The following NCAM2 variants were observed in gnomAD, a reference collection of about 807,000 sequenced individuals.
The protein encoded by NCAM2 is neural cell adhesion molecule 2, also known as N-CAM-2.
In NCAM2, 30 loss-of-function variants were observed where a neutral mutation model predicts 98.1. That is an observed-to-expected ratio of 0.31 (90% CI 0.23 to 0.41). The LOEUF is 0.41. Ranked by LOEUF, NCAM2 falls within the 10% of genes least tolerant of loss-of-function variation. The pLI is 1.00. For synonymous variants in NCAM2, 368 were observed against 342.4 expected, an observed-to-expected ratio of 1.07 and a Z score of -0.83; for missense variants, 867 against 1,005.8, an observed-to-expected ratio of 0.86 and a Z score of 1.87.
rs111818304 is a variant in NCAM2 at position 21,505,999 on chromosome 21, G to A, written c.2078-2852G>A. Among the ~76,000 whole-genome samples the A allele has an allele frequency of 2.0e-4, 31 of 151,928 alleles. 1 individual carries two copies. In the East Asian group the frequency reaches 5.2e-3, roughly 26 times the overall value. On this transcript the variant is annotated intron_variant, in intron 15 of 17. Coordinates refer to ENST00000400546, the MANE Select transcript of NCAM2 (RefSeq NM_004540.5). ...ATGATGGTAAGTGATGAAACCAGGC[G>A]TTTCTTACTCCTGATGCAGTGTTTT...
chr21:21,486,712 G>A (rs890791229), intron 15 of NCAM2, among the ~76,000 whole-genome samples: 2 of 152,118 alleles, frequency 1.3e-5, no homozygotes, highest in Non-Finnish European at 2.9e-5. Context: ...TAGTAAGTTA[G>A]TGCAAAGTTT....
At chr21:21,302,674 CTG>C (rs1393062063) in intron 5 of NCAM2, among the ~76,000 whole-genome samples, 1 of 152,078 alleles carries the variant, frequency 6.6e-6, no homozygotes, top group Non-Finnish European at 1.5e-5. Context: ...AGTTCAGCCA[CTG>C]TGGAAAGCAG....
chr21:21,049,413 A>T (rs1470347435), intron 1 of NCAM2, among the ~76,000 whole-genome samples: 1 of 152,108 alleles, frequency 6.6e-6, no homozygotes, highest in South Asian at 2.1e-4. Context: ...TTCTAATTAC[A>T]TGTTTGATTC....
intron 1 of NCAM2, among the ~76,000 whole-genome samples, chr21:21,134,504 A>G (rs1569060250): frequency 6.6e-6 from 1 of 152,160 alleles, no homozygotes; most frequent in Non-Finnish European, 1.5e-5. Flanking sequence ...CTAATGGTCC[A>G]TTAAACTCTG....
At chr21:21,353,703 C>A (rs2075400025) in intron 8 of NCAM2, among the ~76,000 whole-genome samples, 1 of 152,128 alleles carries the variant, frequency 6.6e-6, no homozygotes, top group Non-Finnish European at 1.5e-5. Flanking sequence ...CAAATTTTTC[C>A]TCTGTGGGAA....
chr21:21,060,431 C>G (rs1434312508), intron 1 of NCAM2, among the ~76,000 whole-genome samples: 2 of 152,090 alleles, frequency 1.3e-5, no homozygotes, highest in South Asian at 4.1e-4. Context: ...ACTATTTTAT[C>G]TATTTATCCA....
intron 1 of NCAM2, among the ~76,000 whole-genome samples, chr21:21,211,078 A>T (rs2069644395): frequency 6.6e-6 from 1 of 151,976 alleles, no homozygotes. Context: ...ATTGCTAAAT[A>T]CATTTTAAGA....
chr21:21,344,489 C>T (rs929947875), intron 8 of NCAM2, among the ~76,000 whole-genome samples: 13 of 152,090 alleles, frequency 8.5e-5, no homozygotes, highest in African/African-American at 3.1e-4. Flanking sequence ...TGTAGTCTAG[C>T]AGTACTCCTT....
intron 1 of NCAM2, among the ~76,000 whole-genome samples, chr21:21,277,968 A>G (rs1403294548): frequency 6.6e-6 from 1 of 152,148 alleles, no homozygotes; most frequent in Non-Finnish European, 1.5e-5. Flanking sequence ...CCGTGAGCAA[A>G]TTTTGATGTT....
chr21:21,253,860 C>T (rs1371438203), intron 1 of NCAM2, among the ~76,000 whole-genome samples: 1 of 152,162 alleles, frequency 6.6e-6, no homozygotes, highest in Non-Finnish European at 1.5e-5. Flanking sequence ...GCCTAGATTT[C>T]AGACACAGAA....
intron 1 of NCAM2, among the ~76,000 whole-genome samples, chr21:21,169,593 A>T (rs1313291399): frequency 6.6e-6 from 1 of 152,192 alleles, no homozygotes; most frequent in African/African-American, 2.4e-5. Flanking sequence ...AAATTCAACA[A>T]TAAGAAAATC....
At chr21:21,228,815 T>G (rs73316759) in intron 1 of NCAM2, among the ~76,000 whole-genome samples, 3,330 of 151,566 alleles carry the variant, frequency 0.022, 125 homozygotes, top group African/African-American at 0.076. Context: ...CTTTTAACAC[T>G]TTGTTTATTA....
intron 12 of NCAM2, among the ~76,000 whole-genome samples, chr21:21,463,073 A>G (rs1034178642): frequency 3.3e-5 from 5 of 152,104 alleles, no homozygotes; most frequent in Admixed American, 2.0e-4. Context: ...CACATTAACT[A>G]TCTTCATAAT....
At chr21:21,226,686 T>C (rs1159583354) in intron 1 of NCAM2, 1 of 152,104 alleles carries the variant, frequency 6.6e-6, no homozygotes, top group Non-Finnish European at 1.5e-5. Flanking sequence ...GTGATTGTTA[T>C]TCACAAAGGA....
intron 12 of NCAM2, among the ~76,000 whole-genome samples, chr21:21,462,312 G>A (rs536085966): frequency 2.6e-5 from 4 of 152,170 alleles, no homozygotes; most frequent in African/African-American, 9.6e-5. Flanking sequence ...CATGAAGAGA[G>A]CCAGGGTTTG....
At chr21:21,385,632 G>A (rs1275438199) in intron 9 of NCAM2, 1 of 1,287,588 alleles carries the variant, frequency 7.8e-7, no homozygotes, top group South Asian at 1.2e-5. Flanking sequence ...CATTCTTCCA[G>A]TTCATTTTCA....
chr21:21,158,616 A>AG (rs2067686018), intron 1 of NCAM2, among the ~76,000 whole-genome samples: 1 of 151,004 alleles, frequency 6.6e-6, no homozygotes, highest in African/African-American at 2.4e-5. Flanking sequence ...CCCCCGCAAA[A>AG]AAAAAAAAAG....
chr21:21,443,105 G>A (rs66846396), intron 12 of NCAM2, among the ~76,000 whole-genome samples: 29,189 of 152,096 alleles, frequency 0.19, 2,881 homozygotes, highest in Non-Finnish European at 0.22. Context: ...CATAAAAAAA[G>A]ATGAGTTCAT....
chr21:21,361,233 C>T (rs2075636859), intron 8 of NCAM2, among the ~76,000 whole-genome samples: 1 of 152,072 alleles, frequency 6.6e-6, no homozygotes, highest in African/African-American at 2.4e-5. Flanking sequence ...TTGATACACA[C>T]ACACACACAA....
Sources: allele counts gnomAD v4.1 joint callset (sites outside exome capture counted in the v4.1 genomes callset), GRCh38; gene constraint gnomAD v4.1.1; transcripts MANE v1.5; gene names NCBI Gene and HGNC (gene_info 2026-07-23, HGNC 2026-07-21).